Variants in PAM observed in about 807,000 individuals in gnomAD.
PAM encodes peptidylglycine alpha-amidating monooxygenase.
A neutral mutation model predicts 122.1 loss-of-function variants in PAM; 72 were observed. The ratio of observed to expected loss-of-function variants is 0.59; its 90% CI spans 0.49 to 0.72. The LOEUF (loss-of-function observed/expected upper bound fraction) is 0.72. Among genes scored for constraint, PAM ranks in the 30% least tolerant of loss-of-function variants. The probability of loss-of-function intolerance (pLI) is 0.00; values close to 1 mark genes in which losing one functional copy is unlikely to be tolerated. For missense variants in PAM, 1,106 were observed against 1,183.7 expected (o/e 0.93, Z 0.96); for synonymous variants, 389 against 404.4 (o/e 0.96, Z 0.46).
At chr5:102,844,742 A>G (rs1779549629) in intron 1 of PAM, among the ~76,000 whole-genome samples, 1 of 152,184 alleles carries the variant, frequency 6.6e-6, no homozygotes, top group Non-Finnish European at 1.5e-5. Flanking sequence ...AAGTAACACA[A>G]AACTCAACAG....
At position 102,766,925 on chromosome 5, in the gene PAM, G is replaced by GTTTTTTTTTTTTTTTTTTTT. The variant is rs1561386850; in HGVS notation, c.-374+11577_-374+11578insTTTTTTTTTTTTTTTTTTTT. On this transcript the variant is annotated intron_variant, in intron 1 of 25. Coordinates refer to ENST00000438793, the MANE Select transcript of PAM (RefSeq NM_001177306.2). The stretch of plus-strand genomic sequence containing the variant: ...GATTTATTTTATTGCTTCAGTTGTG[G>GTTTTTTTTTTTTTTTTTTTT]ATTTTTTTTTTTTTTTTTTTTTTTT... Among the ~76,000 whole-genome samples, 2 of 36,574 alleles carry GTTTTTTTTTTTTTTTTTTTT rather than the reference G, an allele frequency of 5.5e-5. 1 individual carries two copies. The highest frequency in any genetic ancestry group is 5.2e-4 in the Admixed American group (2 of 3,810). The allele number at this position is 36,574 out of a possible 152,430, so 24.0% of individuals were successfully genotyped here.
At chr5:102,929,906 G>A (rs1347697666) in intron 7 of PAM, among the ~76,000 whole-genome samples, 2 of 151,378 alleles carry the variant, frequency 1.3e-5, no homozygotes, top group South Asian at 2.1e-4. Flanking sequence ...GCTGTTATTA[G>A]TGTTAGTGTA....
At chr5:102,778,122 A>G (rs1408420599) in intron 1 of PAM, among the ~76,000 whole-genome samples, 3 of 152,194 alleles carry the variant, frequency 2.0e-5, no homozygotes, top group African/African-American at 7.2e-5. Flanking sequence ...CCTGCACCAT[A>G]GAGAATTAAA....
At chr5:102,817,187 GTTAC>G (rs1770153225) in intron 1 of PAM, among the ~76,000 whole-genome samples, 1 of 151,982 alleles carries the variant, frequency 6.6e-6, no homozygotes, top group African/African-American at 2.4e-5. Context: ...GCTGTTAGTA[GTTAC>G]TTAGTTGTAC....
chr5:102,932,485 AAAAT>A (rs748494732), intron 7 of PAM, among the ~76,000 whole-genome samples: 1 of 151,026 alleles, frequency 6.6e-6, no homozygotes, highest in Non-Finnish European at 1.5e-5. Flanking sequence ...ACTCCATCTC[AAAAT>A]AAATAAATAA....
intron 1 of PAM, among the ~76,000 whole-genome samples, chr5:102,846,624 A>G (rs1288981240): frequency 1.3e-5 from 2 of 152,208 alleles, no homozygotes. Context: ...AGAGCAGGCC[A>G]CTTCATGGAC....
rs146205217 is a variant in PAM at position 102,963,113 on chromosome 5, G to A, written c.1162+1884G>A. Among the ~76,000 whole-genome samples the A allele has an allele frequency of 1.8e-3, 280 of 151,890 alleles. 4 individuals are homozygous for A. Among genetic ancestry groups the A allele is most frequent in the Non-Finnish European group, 1.4e-3 (97 of 67,784 alleles). ...CCATTAAAATGTCATCTCTAATGACGGTAAAGACAGTAGCCTAACCAAAAG... is the reference window on the plus strand; with the variant it reads ...CCATTAAAATGTCATCTCTAATGACAGTAAAGACAGTAGCCTAACCAAAAG... On this transcript the variant is annotated intron_variant, in intron 14 of 25. Coordinates refer to ENST00000438793, the MANE Select transcript of PAM (RefSeq NM_001177306.2).
Position 102,819,858 on chromosome 5 carries a change from T to C in PAM, c.-373-45965T>C, listed in dbSNP as rs548342698. Among the ~76,000 whole-genome samples, 5 of 151,878 alleles carry C rather than the reference T, an allele frequency of 3.3e-5. No homozygotes were observed. In the South Asian group the frequency reaches 6.2e-4, roughly 19 times the overall value. ...GCTCATTTCTTTCCCAAGTGTTTGATTGGCAGACACTCTGTGATCAACACT... is the reference window on the plus strand; with the variant it reads ...GCTCATTTCTTTCCCAAGTGTTTGACTGGCAGACACTCTGTGATCAACACT... On this transcript the variant is annotated intron_variant, in intron 1 of 25. Coordinates refer to ENST00000438793, the MANE Select transcript of PAM (RefSeq NM_001177306.2).
intron 9 of PAM, 56 bp from the exon 10 acceptor site, chr5:102,949,481 A>G: frequency 3.4e-6 from 3 of 883,784 alleles, no homozygotes; most frequent in Non-Finnish European, 5.8e-6. Flanking sequence ...TTAGATAAGA[A>G]TAATGTCATT....
chr5:102,828,677 A>G (rs1022460709), intron 1 of PAM, among the ~76,000 whole-genome samples: 3 of 152,200 alleles, frequency 2.0e-5, no homozygotes, highest in Non-Finnish European at 2.9e-5. Context: ...GGTGCCCAAT[A>G]AAGTTTAGTT....
chr5:102,766,747 A>G (rs258131), intron 1 of PAM, among the ~76,000 whole-genome samples: 71,438 of 151,704 alleles, frequency 0.47, 17,007 homozygotes, highest in African/African-American at 0.52. Flanking sequence ...GGTCTAAATT[A>G]GAGTACAGCA....
intron 3 of PAM, among the ~76,000 whole-genome samples, chr5:102,901,086 C>T (rs1581501661): frequency 6.6e-6 from 1 of 151,460 alleles, no homozygotes; most frequent in African/African-American, 2.4e-5. Context: ...TAAAAATTTG[C>T]CTTTTAACTT....
chr5:102,901,503 T>C (rs1256268036), intron 4 of PAM, 90 bp downstream of exon 4: 1 of 745,790 alleles, frequency 1.3e-6, no homozygotes, highest in Non-Finnish European at 2.4e-6. Flanking sequence ...GTTATGAGCA[T>C]ATTAATCTTT....
At chr5:102,978,937 C>T (rs1213205158) in intron 15 of PAM, among the ~76,000 whole-genome samples, 9 of 151,746 alleles carry the variant, frequency 5.9e-5, no homozygotes, top group Admixed American at 3.3e-4. Flanking sequence ...GGTTAAGTCA[C>T]GTATCCGAAA....
chr5:102,995,679 G>A (rs11950097), intron 16 of PAM, among the ~76,000 whole-genome samples: 6,675 of 152,134 alleles, frequency 0.044, 507 homozygotes, highest in African/African-American at 0.15. Flanking sequence ...GAGCCTGGAT[G>A]TATGATACCT....
intron 1 of PAM, among the ~76,000 whole-genome samples, chr5:102,782,540 G>A (rs1269558507): frequency 1.3e-5 from 2 of 152,196 alleles, no homozygotes; most frequent in African/African-American, 4.8e-5. Context: ...ATTGAGAAGT[G>A]AGAAGTACAT....
chr5:102,758,068 ATTTTGTTTTTTTTTTTTTTTTT>A (rs1751062907), intron 1 of PAM, among the ~76,000 whole-genome samples: 3 of 87,630 alleles, frequency 3.4e-5, no homozygotes, highest in South Asian at 3.6e-4. Context: ...AAGACTTAGA[ATTTTGTTTTTTTTTTTTTTTTT>A]TTTTTTTTTT....
At chr5:102,902,220 A>G (rs993557271) in intron 4 of PAM, among the ~76,000 whole-genome samples, 2 of 151,618 alleles carry the variant, frequency 1.3e-5, no homozygotes, top group African/African-American at 4.8e-5. Context: ...GGCTGTCTGA[A>G]CTGGCTATTA....
At chr5:102,797,799 G>A (rs1763748564) in intron 1 of PAM, among the ~76,000 whole-genome samples, 1 of 152,038 alleles carries the variant, frequency 6.6e-6, no homozygotes, top group Non-Finnish European at 1.5e-5. Context: ...TAAAGTACAT[G>A]GTATTAGCCT....
Sources: allele counts gnomAD v4.1 joint callset (sites outside exome capture counted in the v4.1 genomes callset), GRCh38; gene constraint gnomAD v4.1.1; transcripts MANE v1.5; gene names NCBI Gene and HGNC (gene_info 2026-07-23, HGNC 2026-07-21).